The following COL23A1 variants were observed in gnomAD, a reference collection of about 807,000 sequenced individuals.
COL23A1 encodes collagen type XXIII alpha 1 chain.
A neutral mutation model predicts 99.3 loss-of-function variants in COL23A1; 97 were observed. That is an observed-to-expected ratio of 0.98 (90% CI 0.83 to 1.16). COL23A1 has a LOEUF of 1.16. Ranked by LOEUF, COL23A1 falls within the 50% of genes most tolerant of loss-of-function variation. The pLI is 0.00. For synonymous variants in COL23A1, 320 were observed against 308.2 expected (o/e 1.04, Z -0.40); for missense variants, 762 against 757.4 (o/e 1.01, Z -0.07).
intron 2 of COL23A1, among the ~76,000 whole-genome samples, chr5:178,477,340 G>A (rs1290423453): frequency 6.6e-6 from 1 of 152,188 alleles, no homozygotes; most frequent in Non-Finnish European, 1.5e-5. Context: ...GGCAGAGGCA[G>A]AGAGGCTTGT....
chr5:178,528,580 G>A (rs758185672), intron 2 of COL23A1, among the ~76,000 whole-genome samples: 14 of 152,232 alleles, frequency 9.2e-5, no homozygotes, highest in Non-Finnish European at 1.6e-4. Flanking sequence ...TTGGGAGGCC[G>A]AGGCGGGTGG....
At chr5:178,475,902 C>G (rs2127943406) in intron 2 of COL23A1, among the ~76,000 whole-genome samples, 1 of 152,322 alleles carries the variant, frequency 6.6e-6, no homozygotes, top group Middle Eastern at 3.4e-3. Context: ...GCCTCTAATT[C>G]TTCGAATTCC....
At chr5:178,290,730 T>C (rs1253725806) in intron 3 of COL23A1, among the ~76,000 whole-genome samples, 3 of 152,188 alleles carry the variant, frequency 2.0e-5, no homozygotes, top group East Asian at 3.8e-4. Flanking sequence ...TTATTTCTAT[T>C]GAGGGCAGAC....
rs192317923 is a variant in COL23A1, at chr5:178,341,751, C to T, written c.362-34832G>A. 3.2e-3 allele frequency among the ~76,000 whole-genome samples: 483 copies of T among 152,198 alleles called. 2 individuals carry two copies. The highest frequency in any genetic ancestry group is 0.011 in the African/African-American group (455 of 41,526). ...CCCACTCACCTCTCTCCCTCATCCC[C>T]GTTTCAGCCACAGTAGTCTCTGTTG... is the stretch of plus-strand genomic sequence containing the variant. On this transcript the variant is annotated intron_variant, in intron 2 of 28. Coordinates refer to ENST00000390654, the MANE Select transcript of COL23A1 (RefSeq NM_173465.4).
At chr5:178,396,893 C>T (rs896140415) in intron 2 of COL23A1, among the ~76,000 whole-genome samples, 1 of 152,200 alleles carries the variant, frequency 6.6e-6, no homozygotes, top group Non-Finnish European at 1.5e-5. Flanking sequence ...GACTGTTTGG[C>T]GTGGACTTCA....
intron 2 of COL23A1, among the ~76,000 whole-genome samples, chr5:178,514,537 A>C (rs1270947646): frequency 6.6e-6 from 1 of 152,232 alleles, no homozygotes; most frequent in East Asian, 1.9e-4. Flanking sequence ...CAGCAATCTG[A>C]ATCCACAACC....
chr5:178,271,827 C>T (rs895095840), intron 5 of COL23A1, among the ~76,000 whole-genome samples: 1 of 152,112 alleles, frequency 6.6e-6, no homozygotes, highest in Non-Finnish European at 1.5e-5. Flanking sequence ...GCGGGGAGGG[C>T]CCTGTAAGCA....
chr5:178,557,662 A>G (rs1762349823), intron 2 of COL23A1, among the ~76,000 whole-genome samples: 1 of 152,140 alleles, frequency 6.6e-6, no homozygotes. Context: ...GCCAGCTATA[A>G]TCAGACAGGG....
chr5:178,374,475 G>A (rs1232684460), intron 2 of COL23A1, among the ~76,000 whole-genome samples: 2 of 152,290 alleles, frequency 1.3e-5, no homozygotes, highest in Admixed American at 6.5e-5. Flanking sequence ...TTTTGAGTGC[G>A]GTTAAAATCA....
intron 2 of COL23A1, among the ~76,000 whole-genome samples, chr5:178,559,648 C>T (rs1441945032): frequency 2.2e-5 from 3 of 137,576 alleles, no homozygotes; most frequent in East Asian, 4.4e-4. Flanking sequence ...CCCTGCACGT[C>T]GAGAAGTCTG....
Position 178,392,870 on chromosome 5 carries a change from G to GA in COL23A1, c.362-85952dup, listed in dbSNP as rs1302419698. Among the ~76,000 whole-genome samples, 4 of 152,348 alleles carry GA rather than the reference G, an allele frequency of 2.6e-5. No individual in the cohort carries two copies. The East Asian group carries it at 7.7e-4, about 29-fold the overall frequency. On this transcript the variant is annotated intron_variant, in intron 2 of 28. Coordinates refer to ENST00000390654, the MANE Select transcript of COL23A1 (RefSeq NM_173465.4). ...CAAGAAAAGGAGAAAGGAGACCTAA[G>GA]AGTGTGCCAGCGCTGAAGAGAAACA...
chr5:178,292,153 C>T (rs895553328), intron 3 of COL23A1, among the ~76,000 whole-genome samples: 1 of 152,160 alleles, frequency 6.6e-6, no homozygotes, highest in Non-Finnish European at 1.5e-5. Context: ...GCAACTATGC[C>T]TATACCTGTA....
chr5:178,413,634 T>C (rs527445909), intron 2 of COL23A1, among the ~76,000 whole-genome samples: 1 of 152,298 alleles, frequency 6.6e-6, no homozygotes, highest in African/African-American at 2.4e-5. Context: ...TGAAGAGTGA[T>C]GACAGTTACA....
At chr5:178,562,014 A>G in intron 1 of COL23A1, 1 of 506,040 alleles carries the variant, frequency 2.0e-6, no homozygotes. Flanking sequence ...ATCCTAAAAC[A>G]GAAGAAGTTA....
chr5:178,502,497 A>C (rs1758623428), intron 2 of COL23A1, among the ~76,000 whole-genome samples: 1 of 152,184 alleles, frequency 6.6e-6, no homozygotes, highest in African/African-American at 2.4e-5. Flanking sequence ...AACACATGGA[A>C]AGATCCTCAG....
At chr5:178,258,262 T>TATATATATATATATATATATACATAC in intron 12 of COL23A1, among the ~76,000 whole-genome samples, 1 of 104,126 alleles carries the variant, frequency 9.6e-6, no homozygotes, top group African/African-American at 3.0e-5. Flanking sequence ...TATATATATA[T>TATATATATATATATATATATACATAC]ACACATGCAA....
At chr5:178,328,821 C>G (rs910860460) in intron 2 of COL23A1, among the ~76,000 whole-genome samples, 1 of 152,164 alleles carries the variant, frequency 6.6e-6, no homozygotes, top group Non-Finnish European at 1.5e-5. Context: ...ATAAGAGGAG[C>G]CTGGTAGTTA....
intron 2 of COL23A1, among the ~76,000 whole-genome samples, chr5:178,427,306 G>A (rs1288802794): frequency 2.6e-5 from 4 of 152,198 alleles, no homozygotes; most frequent in East Asian, 1.9e-4. Flanking sequence ...GGGAAGCCTC[G>A]TCCATTGCTG....
intron 2 of COL23A1, among the ~76,000 whole-genome samples, chr5:178,372,206 G>A (rs1273444124): frequency 6.6e-6 from 1 of 152,244 alleles, no homozygotes; most frequent in Non-Finnish European, 1.5e-5. Flanking sequence ...GCAGACAGCG[G>A]GGCGTGCTGG....
Sources: allele counts gnomAD v4.1 joint callset (sites outside exome capture counted in the v4.1 genomes callset), GRCh38; gene constraint gnomAD v4.1.1; transcripts MANE v1.5; gene names NCBI Gene and HGNC (gene_info 2026-07-23, HGNC 2026-07-21).